The following SPOCD1 variants were observed in gnomAD, a reference collection of about 807,000 sequenced individuals.
SPOCD1 encodes the protein SPOC domain-containing protein 1.
In SPOCD1, 64 loss-of-function variants were observed where a neutral mutation model predicts 92.2. That is an observed-to-expected ratio of 0.69 (90% CI 0.57 to 0.86). The LOEUF (loss-of-function observed/expected upper bound fraction) is 0.86. SPOCD1 is among the 40% of genes least tolerant of loss of function. The pLI, the probability that SPOCD1 is intolerant of heterozygous loss-of-function variation, is 0.00. For synonymous variants in SPOCD1, 578 were observed against 619.3 expected, an observed-to-expected ratio of 0.93 and a Z score of 0.99; for missense variants, 1,360 against 1,543.1, an observed-to-expected ratio of 0.88 and a Z score of 1.99.
rs1308847525 is a variant in SPOCD1, at chr1:31,814,566, G to A, written c.768C>T (p.Cys256=). ...CAGTGTCTTTTGGAGAGGGAGGTCTGCAAGGGCCTCCCAAGGACTCCAGGT... is the reference window on the plus strand; with the variant it reads ...CAGTGTCTTTTGGAGAGGGAGGTCTACAAGGGCCTCCCAAGGACTCCAGGT... ...VADLESLGGP[C]RPPSPKDTGS... is the part of the protein sequence containing the mutation. The change falls in exon 2 of 16, where the codon TGC becomes TGT. Residue 256 remains cysteine, a synonymous_variant. Coordinates refer to ENST00000360482, the MANE Select transcript of SPOCD1 (RefSeq NM_144569.7). This position sits in a 1 kb window ranked among gnomAD's most constrained non-coding sequence, Gnocchi z 4.2. 2 of 1,528,120 alleles carry A rather than the reference G, an allele frequency of 1.3e-6. No individual in the cohort carries two copies. The highest frequency in any genetic ancestry group is 2.6e-5 in the South Asian group (2 of 76,164). 94.7% of individuals were successfully genotyped at this position (1,528,120 alleles called of 1,614,324 possible).
chr1:31,793,158 G>C (rs1647727392), intron 13 of SPOCD1, 120 bp downstream of exon 13: 1 of 1,287,626 alleles, frequency 7.8e-7, no homozygotes, highest in Admixed American at 2.5e-5. Flanking sequence ...CACAGGGCCA[G>C]GCACAGAAAG....
At position 31,792,744 on chromosome 1, in the gene SPOCD1, C is replaced by T. The variant is rs776523051; in HGVS notation, c.2709G>A (p.Ser903=). Residue 903 remains serine (S), a synonymous_variant, in exon 14 of 16, where the codon TCG becomes TCA. Transcript: ENST00000360482. ...LVQALPTVIR[S]AGCIPSNIVW... ...CAATGTTGGAGGGGATGCAGCCTGC[C>T]GAGCGGATCACGGTGGGCAGAGCCT... 19 of 1,606,690 alleles carry T rather than the reference C, an allele frequency of 1.2e-5. No individual in the cohort carries two copies. Among genetic ancestry groups the T allele is most frequent in the Non-Finnish European group, 1.4e-5 (17 of 1,177,248 alleles).
At chr1:31,806,228 ATAAT>A (rs34628478) in intron 2 of SPOCD1, among the ~76,000 whole-genome samples, 54,970 of 151,628 alleles carry the variant, frequency 0.36, 11,083 homozygotes, top group Admixed American at 0.47. Context: ...GGAATAAAAA[ATAAT>A]TAATGAAATC....
chr1:31,797,892 A>G (rs919868705), intron 9 of SPOCD1, among the ~76,000 whole-genome samples: 10 of 152,112 alleles, frequency 6.6e-5, no homozygotes, highest in African/African-American at 2.4e-4. Context: ...GAGGTACCTC[A>G]GGACTCCGGA....
At chr1:31,815,420 G>C (rs1557835423) in intron 1 of SPOCD1, 48 bp from the exon 2 acceptor site, 1 of 1,364,978 alleles carries the variant, frequency 7.3e-7, no homozygotes, top group Non-Finnish European at 9.8e-7. Flanking sequence ...AGTCCGACCT[G>C]TCAGCCCGTT....
At chr1:31,801,585 T>G (rs1320018058) in intron 3 of SPOCD1, 79 bp downstream of exon 3, 15 of 1,302,980 alleles carry the variant, frequency 1.2e-5, no homozygotes, top group Non-Finnish European at 1.7e-5. Flanking sequence ...TCTCCACATC[T>G]ACTGTGGAGG....
At chr1:31,815,639 G>C in intron 1 of SPOCD1, 1 of 307,664 alleles carries the variant, frequency 3.3e-6, no homozygotes, top group Non-Finnish European at 5.9e-6. Flanking sequence ...TCGCTTAAAT[G>C]GGACCTAATA....
chr1:31,801,786 A>C, intron 2 of SPOCD1, 81 bp from the exon 3 acceptor site: 6 of 1,192,920 alleles, frequency 5.0e-6, no homozygotes, highest in Non-Finnish European at 7.5e-6. Flanking sequence ...AAAGAAGACA[A>C]TCTTGTTGAA....
intron 2 of SPOCD1, among the ~76,000 whole-genome samples, chr1:31,813,663 T>C (rs538457198): frequency 6.6e-6 from 1 of 152,170 alleles, no homozygotes; most frequent in African/African-American, 2.4e-5. Context: ...CCTAGAGAGG[T>C]TAAGAAAACA....
At position 31,790,445 on chromosome 1, in the gene SPOCD1, T is replaced by A; in HGVS notation, c.*158A>T. The A allele has an allele frequency of 1.4e-6, 1 of 723,366 alleles. No individual in the cohort carries two copies. Among genetic ancestry groups the A allele is most frequent in the South Asian group, 1.9e-5 (1 of 52,472 alleles). The allele number at this position is 723,366 out of a possible 1,614,324, so 44.8% of individuals were successfully genotyped here. A position where few individuals can be genotyped will look rare whatever the true frequency, so the allele number is the denominator to read the frequency against. On this transcript the variant is annotated 3_prime_UTR_variant, in exon 16 of 16. Transcript: ENST00000360482. ...AATCCCAATTTTACCAAATTCTTTA[T>A]TGAACAAAAAATCAACAGCAAACAT... is the stretch of plus-strand genomic sequence containing the variant.
chr1:31,805,884 C>A (rs1648786998), intron 2 of SPOCD1, among the ~76,000 whole-genome samples: 1 of 152,002 alleles, frequency 6.6e-6, no homozygotes, highest in African/African-American at 2.4e-5. Context: ...ATTTCTAAAA[C>A]ATAATTATGC....
At chr1:31,812,257 A>T (rs1193186706) in intron 2 of SPOCD1, among the ~76,000 whole-genome samples, 16 of 152,186 alleles carry the variant, frequency 1.1e-4, no homozygotes, top group Admixed American at 1.0e-3. Context: ...CAAAGTCAAG[A>T]TTGAATGTTA....
rs1197887850 is a variant in SPOCD1, at chr1:31,800,123, AAGG to A, written c.1618_1620del (p.Pro540del). On this transcript the variant is annotated inframe_deletion, in exon 5 of 16. Transcript: ENST00000360482. Reference sequence around the variant, plus strand: ...CCAGGGTCCCCTGCTGTGCCTCCTGAAGGAGAAGGCTGGAAAACCTTGGGGCAG... The same window carrying A: ...CCAGGGTCCCCTGCTGTGCCTCCTGAAGAAGGCTGGAAAACCTTGGGGCAG... The A allele has an allele frequency of 2.5e-6, 4 of 1,606,248 alleles. No homozygotes were observed. The highest frequency in any genetic ancestry group is 3.4e-6 in the Non-Finnish European group (4 of 1,177,464).
chr1:31,795,732 T>C (rs1319713142), intron 10 of SPOCD1: 1 of 152,238 alleles, frequency 6.6e-6, no homozygotes, highest in African/African-American at 2.4e-5. Flanking sequence ...TCACTGTCAC[T>C]TCCCCAGTGC....
In SPOCD1 at chr1:31,798,326, G is replaced by T. The variant is rs566256359; in HGVS notation, c.2029-3C>A. 5.0e-6 allele frequency: 8 copies of T among 1,611,484 alleles called. No homozygotes were observed. The South Asian group carries it at 8.8e-5, about 18-fold the overall frequency. ...TGAACCACTTTGAGAAACAAGTCCT[G>T]GTGGGGGCAGGGGGCAGGGCTGCAC... On this transcript the variant is annotated splice_polypyrimidine_tract_variant and splice_region_variant and intron_variant, in intron 8 of 15. Transcript: ENST00000360482. This position sits in a 1 kb window ranked among gnomAD's most constrained non-coding sequence, Gnocchi z 4.1.
At chr1:31,808,094 A>G (rs1258361125) in intron 2 of SPOCD1, among the ~76,000 whole-genome samples, 1 of 152,166 alleles carries the variant, frequency 6.6e-6, no homozygotes, top group Non-Finnish European at 1.5e-5. Flanking sequence ...TCTTAAATAC[A>G]TTATCCCAGA....
chr1:31,805,022 C>T (rs1648726692), intron 2 of SPOCD1, among the ~76,000 whole-genome samples: 1 of 136,080 alleles, frequency 7.3e-6, no homozygotes, highest in Admixed American at 8.4e-5. Flanking sequence ...CGCTCTGTCA[C>T]CGAGGCTGGA....
chr1:31,814,385 A>C lies in SPOCD1; in HGVS notation c.949T>G (p.Ser317Ala), dbSNP rs1254361385. 1.2e-6 allele frequency: 2 copies of C among 1,608,232 alleles called. No homozygotes were observed. Among genetic ancestry groups the C allele is most frequent in the Admixed American group, 3.4e-5 (2 of 59,700 alleles). ...PVPSGGESLS[S>A]AAQAPPQSAA... ...CTCTGTGGAGGAGCCTGTGCAGCTG[A>C]ACTGAGGGACTCCCCTCCACTGGGC... The change falls in exon 2 of 16, where the codon TCA becomes GCA. Residue 317 changes from serine (S) to alanine (A), a missense_variant. Transcript: ENST00000360482. This position sits in a 1 kb window ranked among gnomAD's most constrained non-coding sequence, Gnocchi z 4.2.
In SPOCD1 at chr1:31,798,337, G is replaced by A. The variant is rs551577268; in HGVS notation, c.2029-14C>T. Reference sequence around the variant, plus strand: ...GAGAAACAAGTCCTGGTGGGGGCAGGGGGCAGGGCTGCACCACACGCTGAA... The same window carrying A: ...GAGAAACAAGTCCTGGTGGGGGCAGAGGGCAGGGCTGCACCACACGCTGAA... On this transcript the variant is annotated splice_polypyrimidine_tract_variant and intron_variant, in intron 8 of 15. Coordinates refer to ENST00000360482, the MANE Select transcript of SPOCD1 (RefSeq NM_144569.7). The surrounding 1 kb of genome is among the most constrained non-coding windows in gnomAD (Gnocchi z 4.1). 1.2e-6 allele frequency: 2 copies of A among 1,609,394 alleles called. No homozygotes were observed. The highest frequency in any genetic ancestry group is 3.3e-5 in the Admixed American group (2 of 59,888).
Sources: allele counts gnomAD v4.1 joint callset (sites outside exome capture counted in the v4.1 genomes callset), GRCh38; gene constraint gnomAD v4.1.1; non-coding constraint Gnocchi (gnomAD v3.1); transcripts MANE v1.5; gene names NCBI Gene and HGNC (gene_info 2026-07-23, HGNC 2026-07-21).